The following FREM3 variants were observed in gnomAD, a reference collection of about 807,000 sequenced individuals.
The protein encoded by FREM3 is FRAS1-related extracellular matrix protein 3.
In FREM3, 105 loss-of-function variants were observed where a neutral mutation model predicts 129.1. That is an observed-to-expected ratio of 0.81 (90% CI 0.69 to 0.96). The LOEUF is 0.96. Ranked by LOEUF, FREM3 falls within the 40% of genes least tolerant of loss-of-function variation. The pLI is 0.00. For missense variants in FREM3, 2,593 were observed against 2,666.3 expected (o/e 0.97, Z 0.61); for synonymous variants, 1,014 against 1,044.9 (o/e 0.97, Z 0.57).
At chr4:143,627,805 T>C (rs1348300189) in intron 2 of FREM3, 45 bp from the exon 3 acceptor site, 13 of 1,343,064 alleles carry the variant, frequency 9.7e-6, no homozygotes, top group Non-Finnish European at 1.3e-5. Flanking sequence ...GAGTATTTGA[T>C]GGCAATATTC....
At chr4:143,596,997 T>G (rs1439412878) in intron 6 of FREM3, among the ~76,000 whole-genome samples, 1 of 152,076 alleles carries the variant, frequency 6.6e-6, no homozygotes, top group Non-Finnish European at 1.5e-5. Context: ...AGCATACAGA[T>G]TGGGGTTAAT....
intron 2 of FREM3, chr4:143,649,298 T>G (rs1293574541): frequency 6.6e-6 from 1 of 152,208 alleles, no homozygotes; most frequent in Non-Finnish European, 1.5e-5. Flanking sequence ...AAATTCTCCT[T>G]TGTCACACAT....
intron 6 of FREM3, among the ~76,000 whole-genome samples, chr4:143,589,405 A>G (rs1333240689): frequency 6.6e-6 from 1 of 152,056 alleles, no homozygotes; most frequent in African/African-American, 2.4e-5. Context: ...TCCATCTTGA[A>G]TTAATTTTTG....
In FREM3 at chr4:143,699,668, C is replaced by T; in HGVS notation, c.1008G>A (p.Glu336=). ...TPDALAAEDV[E]SDPGDLVFNI... ...TGAACACCAGGTCACCAGGGTCTGA[C>T]TCGACGTCCTCCGCGGCCAGTGCGT... The change falls in exon 1 of 8, where the codon GAG becomes GAA. Residue 336 remains glutamate, a synonymous_variant. Transcript: ENST00000329798. This position sits in a 1 kb window ranked among gnomAD's most constrained non-coding sequence, Gnocchi z 4.2. 1 of 1,528,966 alleles carries T rather than the reference C, an allele frequency of 6.5e-7. No individual in the cohort carries two copies. The highest frequency in any genetic ancestry group is 8.8e-7 in the Non-Finnish European group (1 of 1,142,134). 94.7% of individuals were successfully genotyped at this position (1,528,966 alleles called of 1,614,324 possible).
At chr4:143,688,985 G>T (rs551666725) in intron 2 of FREM3, among the ~76,000 whole-genome samples, 1 of 152,238 alleles carries the variant, frequency 6.6e-6, no homozygotes, top group East Asian at 1.9e-4. Flanking sequence ...TCATGATCAA[G>T]ATCCCAAAAG....
At position 143,696,778 on chromosome 4, in the gene FREM3, T is replaced by C. The variant is rs1460629354; in HGVS notation, c.3898A>G (p.Thr1300Ala). Residue 1300 changes from threonine (T) to alanine (A), a missense_variant, in exon 1 of 8, where the codon ACC becomes GCC. By Grantham distance (58) the Thr-to-Ala change is moderately conservative. Coordinates refer to ENST00000329798, the MANE Select transcript of FREM3 (RefSeq NM_001168235.2). ...TTHRKVPIVV[T>A]LVDDETPHLT... is the part of the protein sequence containing the mutation. ...TGAGGAGTTTCATCATCCACTAGGG[T>C]CACTACAATGGGTACCTTCCTGTGG... 3 of 1,537,812 alleles carry C rather than the reference T, an allele frequency of 2.0e-6. No homozygotes were observed. Among genetic ancestry groups the C allele is most frequent in the Non-Finnish European group, 2.6e-6 (3 of 1,147,044 alleles).
rs968405393 is a variant in FREM3 at position 143,624,133 on chromosome 4, C to T, written c.5628G>A (p.Thr1876=). 9.1e-6 allele frequency: 14 copies of T among 1,534,096 alleles called. No individual in the cohort carries two copies. Among genetic ancestry groups the T allele is most frequent in the African/African-American group, 8.2e-5 (6 of 72,940 alleles). Residue 1876 remains threonine, a synonymous_variant, in exon 4 of 8, where the codon ACG becomes ACA. Transcript: ENST00000329798. ...CATCTCCAGGGTCTACAATTTCAACCGTTGCCATTTCTGGAAACTCCAGTA... is the reference window on the plus strand; with the variant it reads ...CATCTCCAGGGTCTACAATTTCAACTGTTGCCATTTCTGGAAACTCCAGTA... ...MAVLEFPEMA[T]VEIVDPGDES...
chr4:143,613,259 A>G (rs1216635631), intron 5 of FREM3, among the ~76,000 whole-genome samples: 1 of 152,372 alleles, frequency 6.6e-6, no homozygotes, highest in South Asian at 2.1e-4. Context: ...TTGCTAGGGC[A>G]GAGGGCAGAA....
At position 143,695,863 on chromosome 4, in the gene FREM3, G is replaced by T. The variant is rs1307783674; in HGVS notation, c.4813C>A (p.Leu1605Met). The change falls in exon 1 of 8, where the codon CTG (leucine) becomes ATG (methionine). Residue 1605 changes from leucine (L) to methionine (M), a missense_variant. By Grantham distance (15) the Leu-to-Met change is conservative. Coordinates refer to ENST00000329798, the MANE Select transcript of FREM3 (RefSeq NM_001168235.2). ...CTGCCGTCATGCTTGTAGCTAATCA[G>T]GTTCTTGTTCAGGTCTTGCTTGGTG... ...TFTKQDLNKNLISYKHDGSET... is the reference protein window; with the variant it reads ...TFTKQDLNKNMISYKHDGSET... The T allele has an allele frequency of 2.6e-6, 4 of 1,537,488 alleles. No homozygotes were observed. In the South Asian group the frequency reaches 4.8e-5, roughly 18 times the overall value.
chr4:143,602,168 T>G (rs1215606179), intron 6 of FREM3, among the ~76,000 whole-genome samples: 1 of 152,172 alleles, frequency 6.6e-6, no homozygotes. Context: ...AATGTGTGCT[T>G]TTCCCGATAT....
intron 2 of FREM3, among the ~76,000 whole-genome samples, chr4:143,684,243 A>T (rs1265439058): frequency 6.6e-6 from 1 of 152,180 alleles, no homozygotes; most frequent in African/African-American, 2.4e-5. Flanking sequence ...AAGGACCCTC[A>T]TGGAGTCCAT....
At chr4:143,691,747 T>C (rs6537170) in intron 2 of FREM3, among the ~76,000 whole-genome samples, 1 of 152,084 alleles carries the variant, frequency 6.6e-6, no homozygotes, top group Non-Finnish European at 1.5e-5. Context: ...AGCTACATAA[T>C]ATTCACCTTA....
chr4:143,663,791 T>A (rs1403413984), intron 2 of FREM3, among the ~76,000 whole-genome samples: 1 of 152,120 alleles, frequency 6.6e-6, no homozygotes, highest in Non-Finnish European at 1.5e-5. Flanking sequence ...TTTCTTTTCA[T>A]TCTTTTTTCT....
In FREM3 at chr4:143,619,478, G is replaced by A. The variant is rs146259336; in HGVS notation, c.5779+1559C>T. ...CAGTAACAGAATTATAAGTGTGAAC[G>A]TTGTAAATCTTCTCATACTCATATC... On this transcript the variant is annotated intron_variant, in intron 5 of 7. Transcript: ENST00000329798. 5.5e-4 allele frequency among the ~76,000 whole-genome samples: 83 copies of A among 152,190 alleles called. No individual in the cohort carries two copies. The East Asian group carries it at 0.013, about 24-fold the overall frequency.
chr4:143,657,934 G>C lies in FREM3; in HGVS notation c.5276-30174C>G, dbSNP rs552773328. ...CCTGACTTCCTCTCTTTACCTCCTC[G>C]AGTTCAATAACTGTCACTTCCAACT... On this transcript the variant is annotated intron_variant, in intron 2 of 7. Coordinates refer to ENST00000329798, the MANE Select transcript of FREM3 (RefSeq NM_001168235.2). Among the ~76,000 whole-genome samples the C allele has an allele frequency of 3.2e-4, 49 of 151,972 alleles. 1 individual carries two copies. Among genetic ancestry groups the C allele is most frequent in the African/African-American group, 1.2e-3 (48 of 41,458 alleles).
chr4:143,683,016 A>G (rs919832445), intron 2 of FREM3, among the ~76,000 whole-genome samples: 2 of 152,160 alleles, frequency 1.3e-5, no homozygotes, highest in African/African-American at 2.4e-5. Flanking sequence ...GTGATGCAGC[A>G]GGAGAAAGAT....
At chr4:143,617,602 T>A (rs1738874876) in intron 5 of FREM3, among the ~76,000 whole-genome samples, 1 of 152,236 alleles carries the variant, frequency 6.6e-6, no homozygotes, top group Non-Finnish European at 1.5e-5. Flanking sequence ...GCCTATTCTT[T>A]AACTAAGATT....
rs73852627 is a variant in FREM3, at chr4:143,599,803, G to T, written c.6028+11476C>A. 2.1e-5 allele frequency among the ~76,000 whole-genome samples: 3 copies of T among 142,966 alleles called. No individual in the cohort carries two copies. In the South Asian group the frequency reaches 6.8e-4, roughly 32 times the overall value. The allele number at this position is 142,966 out of a possible 152,430, so 93.8% of individuals were successfully genotyped here. ...AGGGGTACATACATTCTAGCCTCCA[G>T]GGAAATATCAAGTCCTAAGAGTGGA... On this transcript the variant is annotated intron_variant, in intron 6 of 7. Coordinates refer to ENST00000329798, the MANE Select transcript of FREM3 (RefSeq NM_001168235.2).
At position 143,662,549 on chromosome 4, in the gene FREM3, T is replaced by G. The variant is rs180721225; in HGVS notation, c.5275+30564A>C. The stretch of plus-strand genomic sequence containing the variant: ...GGAATAGGTGTGGTGCGGAAAAAAA[T>G]GTATATTCTGTTGATTTGGGGTGGA... On this transcript the variant is annotated intron_variant, in intron 2 of 7. Transcript: ENST00000329798. 6.0e-4 allele frequency among the ~76,000 whole-genome samples: 84 copies of G among 141,026 alleles called. 2 individuals are homozygous for G. Among genetic ancestry groups the G allele is most frequent in the Admixed American group, 5.5e-3 (77 of 13,946 alleles). 92.5% of individuals were successfully genotyped at this position (141,026 alleles called of 152,430 possible).
Sources: gnomAD v4.1 joint callset for allele counts (sites outside exome capture counted in the v4.1 genomes callset) on GRCh38, gnomAD v4.1.1 for gene constraint, Gnocchi (gnomAD v3.1) non-coding constraint, MANE v1.5 for transcripts, NCBI Gene and HGNC (gene_info 2026-07-23, HGNC 2026-07-21) for gene names.